The following PRB4 variants were observed in gnomAD, a reference collection of about 807,000 sequenced individuals.
The protein encoded by PRB4 is basic salivary proline-rich protein 4.
A neutral mutation model predicts 9.1 loss-of-function variants in PRB4; 14 were observed. The ratio of observed to expected loss-of-function variants is 1.54; its 90% CI spans 1.02 to 2.41. The LOEUF (loss-of-function observed/expected upper bound fraction) is 2.41, where lower values mean the gene tolerates loss of function less well. Ranked by LOEUF, PRB4 falls within the 30% of genes most tolerant of loss-of-function variation. The probability of loss-of-function intolerance (pLI) is 0.00; values close to 1 mark genes in which losing one functional copy is unlikely to be tolerated. For missense variants in PRB4, 381 were observed against 299.3 expected (o/e 1.27, Z -2.02); for synonymous variants, 102 against 108.5 (o/e 0.94, Z 0.37).
At chr12:11,308,076 C>G (rs975232844) in intron 3 of PRB4, 145 bp downstream of exon 3, 1 of 928,106 alleles carries the variant, frequency 1.1e-6, no homozygotes, top group African/African-American at 1.6e-5. Flanking sequence ...TCCCCTTACC[C>G]TATTCCAGAG....
intron 1 of PRB4, among the ~76,000 whole-genome samples, chr12:11,309,656 C>A (rs1268407461): frequency 6.6e-6 from 1 of 152,188 alleles, no homozygotes; most frequent in African/African-American, 2.4e-5. Context: ...TCCCTCAAGA[C>A]TTAATGCTTA....
chr12:11,309,770 G>A lies in PRB4; in HGVS notation c.65-365C>T, dbSNP rs61928940. 6.8e-3 allele frequency among the ~76,000 whole-genome samples: 1,035 copies of A among 152,224 alleles called. 8 individuals carry two copies. The highest frequency in any genetic ancestry group is 0.017 in the Middle Eastern group (5 of 294). On this transcript the variant is annotated intron_variant, in intron 1 of 3. Coordinates refer to ENST00000279575, the MANE Select transcript of PRB4 (RefSeq NM_002723.6). ...TACATACACATGTTTTCTCAATAGG[G>A]GTAACCAGAAGTAATCATTTCAATA...
chr12:11,309,032 G>C, intron 2 of PRB4, 150 bp from the exon 3 acceptor site: 4 of 1,206,698 alleles, frequency 3.3e-6, no homozygotes. Flanking sequence ...GGAGTGGAAC[G>C]CTGGGGGAAA....
At chr12:11,307,712 G>GC (rs1229580247) in intron 3 of PRB4, among the ~76,000 whole-genome samples, 1 of 152,126 alleles carries the variant, frequency 6.6e-6, no homozygotes, top group Non-Finnish European at 1.5e-5. Flanking sequence ...GATGTGTTAT[G>GC]CCTTTAAAAT....
At position 11,309,297 on chromosome 12, in the gene PRB4, G is replaced by C. The variant is rs145609831; in HGVS notation, c.100+73C>G. ...CCTGAAAGGAAAGTGTTGATAAGAA[G>C]ACACTGGAGAAATGATCCATTTGTA... is the stretch of plus-strand genomic sequence containing the variant. On this transcript the variant is annotated intron_variant, in intron 2 of 3. Coordinates refer to ENST00000279575, the MANE Select transcript of PRB4 (RefSeq NM_002723.6). 2.2e-4 allele frequency: 359 copies of C among 1,608,880 alleles called. 1 individual carries two copies. The African/African-American group carries it at 4.4e-3, about 20-fold the overall frequency.
intron 2 of PRB4, 148 bp downstream of exon 2, chr12:11,309,222 G>T: frequency 7.2e-7 from 1 of 1,395,736 alleles, no homozygotes. Flanking sequence ...CCAGAATCAA[G>T]TTTGCATGAA....
intron 3 of PRB4, 92 bp downstream of exon 3, chr12:11,308,129 A>T: frequency 7.0e-6 from 10 of 1,426,970 alleles, no homozygotes; most frequent in Non-Finnish European, 9.6e-6. Flanking sequence ...AGGACAATAC[A>T]ATGTCAATGG....
rs141102420 is a variant in PRB4 at position 11,308,338 on chromosome 12, C to T, written c.645G>A (p.Gln215=). The T allele has an allele frequency of 6.9e-3, 11,054 of 1,609,742 alleles. 52 individuals are homozygous for T. The highest frequency in any genetic ancestry group is 8.4e-3 in the Non-Finnish European group (9,849 of 1,177,004). The change falls in exon 3 of 4, where the codon CAG becomes CAA. Residue 215 remains glutamine (Q), a synonymous_variant. Transcript: ENST00000279575. Reference sequence around the variant, plus strand: ...GCTTTCCAGCAGGAGGTGCCTGAGGCTGCTGGGGATTGCCTCCTGCTGGGG... The same window carrying T: ...GCTTTCCAGCAGGAGGTGCCTGAGGTTGCTGGGGATTGCCTCCTGCTGGGG... ...GPPPAGGNPQ[Q]PQAPPAGKPQ...
Position 11,308,769 on chromosome 12 carries a change from G to T in PRB4, c.214C>A (p.Pro72Thr), listed in dbSNP as rs1862979204. Reference sequence around the variant, plus strand: ...CCTTCTGGCTTTCCTGGAGGAGGTGGGGGACCTTGGGACTGGTTTCCTCCT... The same window carrying T: ...CCTTCTGGCTTTCCTGGAGGAGGTGTGGGACCTTGGGACTGGTTTCCTCCT... Reference protein sequence around the residue: ...PQGGNQSQGPPPPPGKPEGRP... With the variant: ...PQGGNQSQGPTPPPGKPEGRP... The change falls in exon 3 of 4, where the codon CCA (proline) becomes ACA (threonine). Residue 72 changes from proline to threonine, a missense_variant. By Grantham distance (38) the Pro-to-Thr change is conservative (BLOSUM62 -1). Around this residue, in one of 3 missense-constraint regions of PRB4, gnomAD observed 151 missense variants for 105.8 expected, o/e 1.43. Transcript: ENST00000279575. 1.9e-6 allele frequency: 3 copies of T among 1,606,828 alleles called. No homozygotes were observed. In the East Asian group the frequency reaches 6.7e-5, roughly 36 times the overall value.
At chr12:11,307,378 A>G (rs1039315966) in intron 3 of PRB4, among the ~76,000 whole-genome samples, 179 bp from the exon 4 acceptor site, 4 of 152,218 alleles carry the variant, frequency 2.6e-5, no homozygotes, top group African/African-American at 9.6e-5. Flanking sequence ...AACATATTCT[A>G]TAATACTGAG....
Position 11,310,395 on chromosome 12 carries a change from G to T in PRB4, c.4C>A (p.Leu2Met). The change falls in exon 1 of 4, where the codon CTG (leucine) becomes ATG (methionine). Residue 2 changes from leucine (L) to methionine (M), a missense_variant. Physicochemically the swap from Leu to Met is conservative, Grantham distance 15 (BLOSUM62 2). Transcript: ENST00000279575. M[L>M]LILLSVALLA... The stretch of plus-strand genomic sequence containing the variant: ...AGGGCCACTGACAGCAGAATCAGCA[G>T]CATCTCGCTGGAGGCTCTGGAGTCA... 1 of 1,614,244 alleles carries T rather than the reference G, an allele frequency of 6.2e-7. No individual in the cohort carries two copies. Among genetic ancestry groups the T allele is most frequent in the African/African-American group, 1.3e-5 (1 of 75,060 alleles).
intron 1 of PRB4, among the ~76,000 whole-genome samples, chr12:11,309,609 T>C (rs376424026): frequency 3.7e-4 from 57 of 152,146 alleles, no homozygotes; most frequent in African/African-American, 9.2e-4. Context: ...CAGCAATGAG[T>C]TCAACATAGA....
At position 11,308,227 on chromosome 12, in the gene PRB4, T is replaced by G. The variant is rs578053618; in HGVS notation, c.*12A>C. 6.2e-7 allele frequency: 1 copy of G among 1,608,226 alleles called. No individual in the cohort carries two copies. The highest frequency in any genetic ancestry group is 1.3e-5 in the African/African-American group (1 of 74,832). On this transcript the variant is annotated 3_prime_UTR_variant, in exon 3 of 4. Coordinates refer to ENST00000279575, the MANE Select transcript of PRB4 (RefSeq NM_002723.6). Reference sequence around the variant, plus strand: ...TAATAAAGTGGAATCATACCTGTCATTGAATCCTAGATTACTGGGGAGGCT... The same window carrying G: ...TAATAAAGTGGAATCATACCTGTCAGTGAATCCTAGATTACTGGGGAGGCT...
At chr12:11,309,451 T>G (rs1863003495) in intron 1 of PRB4, 46 bp from the exon 2 acceptor site, 1 of 1,613,804 alleles carries the variant, frequency 6.2e-7, no homozygotes, top group African/African-American at 1.3e-5. Flanking sequence ...ATCTCAAATC[T>G]TCAAGACTCA....
intron 3 of PRB4, 79 bp from the exon 4 acceptor site, chr12:11,307,278 A>G (rs1463980249): frequency 6.6e-6 from 1 of 152,652 alleles, no homozygotes; most frequent in Non-Finnish European, 1.5e-5. Context: ...ATTGTGGCTT[A>G]GAAGATGAAG....
intron 1 of PRB4, among the ~76,000 whole-genome samples, chr12:11,309,814 T>C (rs1242516634): frequency 6.6e-6 from 1 of 152,132 alleles, no homozygotes; most frequent in Non-Finnish European, 1.5e-5. Context: ...CCCATTCCAC[T>C]CCCAGCACAT....
Position 11,309,404 on chromosome 12 carries a change from A to C in PRB4, c.66T>G (p.Asp22Glu). The C allele has an allele frequency of 6.2e-7, 1 of 1,614,156 alleles. No individual in the cohort carries two copies. Among genetic ancestry groups the C allele is most frequent in the South Asian group, 1.1e-5 (1 of 91,082 alleles). The change falls in exon 2 of 4, where the codon GAT (aspartate) becomes GAG (glutamate). Residue 22 changes from aspartate to glutamate, a missense_variant and splice_region_variant. Coordinates refer to ENST00000279575, the MANE Select transcript of PRB4 (RefSeq NM_002723.6). ...ALSSAESSSE[D>E]VSQEESLFLI... Reference sequence around the variant, plus strand: ...GGAAGAGAGATTCTTCCTGGCTGACATCTAGAAGAGAAGCACAGGATGATG... The same window carrying C: ...GGAAGAGAGATTCTTCCTGGCTGACCTCTAGAAGAGAAGCACAGGATGATG...
Position 11,310,349 on chromosome 12 carries a change from T to C in PRB4, c.50A>G (p.Glu17Gly), listed in dbSNP as rs138622729. The C allele has an allele frequency of 3.2e-3, 5,186 of 1,614,196 alleles. 18 individuals carry two copies. The highest frequency in any genetic ancestry group is 3.9e-3 in the Non-Finnish European group (4,583 of 1,180,044). The change falls in exon 1 of 4, where the codon GAG becomes GGG. Residue 17 changes from glutamate to glycine, a missense_variant. By Grantham distance (98) the Glu-to-Gly change is moderately conservative (BLOSUM62 -2). Transcript: ENST00000279575. ...SVALLALSSA[E>G]SSSEDVSQEE... is the part of the protein sequence containing the mutation. ...TTCTGTTTTACCTTCACTTGAACTC[T>C]CAGCTGAGCTCAGGGCCAGCAGGGC... is the stretch of plus-strand genomic sequence containing the variant.
In PRB4 at chr12:11,308,713, T is replaced by A. The variant is rs112990250; in HGVS notation, c.270A>T (p.Gln90His). ...GRPPQGGNQS[Q>H]GPPPHPGKPE... ...GCTTTCCTGGATGAGGTGGGGGACC[T>A]TGGGACTGGTTGCCTCCTTGTGGGG... The change falls in exon 3 of 4, where the codon CAA becomes CAT. Residue 90 changes from glutamine (Q) to histidine (H), a missense_variant. Physicochemically the swap from Gln to His is conservative, Grantham distance 24 (BLOSUM62 0). Coordinates refer to ENST00000279575, the MANE Select transcript of PRB4 (RefSeq NM_002723.6). 2.6e-3 allele frequency: 4,196 copies of A among 1,600,008 alleles called. 47 individuals are homozygous for A. The highest frequency in any genetic ancestry group is 3.9e-3 in the South Asian group (350 of 90,260).
Sources: allele counts gnomAD v4.1 joint callset (sites outside exome capture counted in the v4.1 genomes callset), GRCh38; gene constraint gnomAD v4.1.1; regional missense constraint gnomAD v4.1.1; transcripts MANE v1.5; gene names NCBI Gene and HGNC (gene_info 2026-07-23, HGNC 2026-07-21).